Variants in POTEJ observed in about 807,000 individuals in gnomAD.
The protein encoded by POTEJ is POTE ankyrin domain family member J.
A neutral mutation model predicts 69.0 loss-of-function variants in POTEJ; 11 were observed. That is an observed-to-expected ratio of 0.16 (90% confidence interval 0.10 to 0.26). POTEJ has a LOEUF of 0.26. POTEJ is among the 10% of genes least tolerant of loss of function. The pLI, the probability that POTEJ is intolerant of heterozygous loss-of-function variation, is 1.00. For missense variants in POTEJ, 327 were observed against 1,045.5 expected (o/e 0.31, Z 9.48); for synonymous variants, 117 against 381.1 (o/e 0.31, Z 8.07).
At chr2:130,622,783 CAG>C (rs1359877463) in intron 5 of POTEJ, 1 of 151,774 alleles carries the variant, frequency 6.6e-6, no homozygotes, top group African/African-American at 2.4e-5. Flanking sequence ...TTGGACTTAA[CAG>C]AGCCAAGCCT....
intron 14 of POTEJ, among the ~76,000 whole-genome samples, chr2:130,656,046 T>C (rs1453739673): frequency 6.9e-6 from 1 of 144,624 alleles, no homozygotes; most frequent in South Asian, 2.2e-4. Context: ...ATCGGTAAAA[T>C]GTTCTTCAGT....
chr2:130,638,025 A>G (rs1163784569), intron 9 of POTEJ, among the ~76,000 whole-genome samples: 2 of 148,076 alleles, frequency 1.4e-5, no homozygotes, highest in Non-Finnish European at 3.0e-5. Flanking sequence ...AAAGAGTAGG[A>G]CAGCTAAGAA....
chr2:130,633,691 A>C (rs1464346494), intron 9 of POTEJ, among the ~76,000 whole-genome samples: 1 of 144,164 alleles, frequency 6.9e-6, no homozygotes, highest in Non-Finnish European at 1.5e-5. Context: ...CTAGTTATTA[A>C]ATTTTTATTG....
At chr2:130,654,624 T>C (rs1686919318) in intron 13 of POTEJ, among the ~76,000 whole-genome samples, 1 of 147,478 alleles carries the variant, frequency 6.8e-6, no homozygotes, top group Admixed American at 6.8e-5. Flanking sequence ...TGAGATATAA[T>C]TATTTCATTA....
intron 8 of POTEJ, 46 bp from the exon 9 acceptor site, chr2:130,632,444 C>CT (rs1310124874): frequency 3.6e-6 from 2 of 558,160 alleles, no homozygotes; most frequent in East Asian, 5.8e-5. Context: ...TAAAAAGGTT[C>CT]TTTTTATTCA....
intron 9 of POTEJ, among the ~76,000 whole-genome samples, chr2:130,634,938 T>C (rs1303394111): frequency 1.3e-5 from 2 of 152,222 alleles, no homozygotes; most frequent in Non-Finnish European, 2.9e-5. Flanking sequence ...TTATGCATTT[T>C]TTCTTACACC....
rs559711823 is a variant in POTEJ at position 130,626,708 on chromosome 2, G to A, written c.1015+2574G>A. 6.0e-4 allele frequency among the ~76,000 whole-genome samples: 91 copies of A among 152,276 alleles called. 1 individual carries two copies. Among genetic ancestry groups the A allele is most frequent in the African/African-American group, 2.2e-3 (90 of 41,472 alleles). ...ACAAAGGAAGTTTTTGCAGTAGTCA[G>A]CTATAGTTTCCTTGTCATACATCCT... On this transcript the variant is annotated intron_variant, in intron 6 of 14. Coordinates refer to ENST00000409602, the MANE Select transcript of POTEJ (RefSeq NM_001277083.2).
intron 6 of POTEJ, among the ~76,000 whole-genome samples, chr2:130,625,977 G>T (rs548808725): frequency 7.2e-6 from 1 of 138,160 alleles, no homozygotes; most frequent in African/African-American, 3.0e-5. Context: ...CCCTCTTTCA[G>T]CTGTGCTGTT....
intron 1 of POTEJ, among the ~76,000 whole-genome samples, chr2:130,613,261 T>TATACATATATATACATATGTATAC (rs1685284983): frequency 5.4e-5 from 3 of 55,490 alleles, no homozygotes; most frequent in Non-Finnish European, 9.2e-5. Flanking sequence ...TATACACATA[T>TATACATATATATACATATGTATAC]ATACATATAT....
At chr2:130,637,575 A>T (rs1359772192) in intron 9 of POTEJ, among the ~76,000 whole-genome samples, 1 of 152,180 alleles carries the variant, frequency 6.6e-6, no homozygotes, top group Admixed American at 6.5e-5. Context: ...TGCCACAAAA[A>T]CATTGAAATT....
At chr2:130,643,201 T>C (rs1326541884) in intron 10 of POTEJ, among the ~76,000 whole-genome samples, 1 of 145,702 alleles carries the variant, frequency 6.9e-6, no homozygotes, top group Non-Finnish European at 1.5e-5. Flanking sequence ...GGGAAAGACA[T>C]GCAGAATGAA....
chr2:130,647,048 A>G (rs1382874955), intron 13 of POTEJ, among the ~76,000 whole-genome samples: 1 of 150,448 alleles, frequency 6.6e-6, no homozygotes, highest in Non-Finnish European at 1.5e-5. Flanking sequence ...TTATAGTATT[A>G]TTATGTAAAA....
At chr2:130,626,123 C>T (rs1685694526) in intron 6 of POTEJ, among the ~76,000 whole-genome samples, 1 of 150,136 alleles carries the variant, frequency 6.7e-6, no homozygotes. Flanking sequence ...AACTTAGAAG[C>T]ATGCAAGGGG....
Position 130,636,600 on chromosome 2 carries a change from C to G in POTEJ, c.1299-2019C>G, listed in dbSNP as rs559711885. ...CTTTAGTTTTTCTCCTCTAACATAC[C>G]GTATATTTTGCCTTATCTGTCTGTT... On this transcript the variant is annotated intron_variant, in intron 9 of 14. Transcript: ENST00000409602. 3.0e-3 allele frequency among the ~76,000 whole-genome samples: 440 copies of G among 148,024 alleles called. 6 individuals carry two copies. Among genetic ancestry groups the G allele is most frequent in the Admixed American group, 0.027 (398 of 14,670 alleles).
Position 130,636,412 on chromosome 2 carries a change from A to T in POTEJ, c.1299-2207A>T, listed in dbSNP as rs1686093494. Among the ~76,000 whole-genome samples, 5 of 146,072 alleles carry T rather than the reference A, an allele frequency of 3.4e-5. No individual in the cohort carries two copies. The South Asian group carries it at 1.1e-3, about 31-fold the overall frequency. On this transcript the variant is annotated intron_variant, in intron 9 of 14. Transcript: ENST00000409602. ...TCAAACCTATTTGTATCTTGACATC[A>T]ACGCTGTTAACCTTATGTCATCGTT...
chr2:130,646,451 A>G, intron 13 of POTEJ, 141 bp downstream of exon 13: 1 of 853,618 alleles, frequency 1.2e-6, no homozygotes, highest in Non-Finnish European at 1.7e-6. Flanking sequence ...AATGAAAATC[A>G]GCAAACAATC....
chr2:130,626,801 C>T lies in POTEJ; in HGVS notation c.1015+2667C>T, dbSNP rs1685726013. Among the ~76,000 whole-genome samples the T allele has an allele frequency of 2.6e-5, 4 of 152,284 alleles. No homozygotes were observed. The South Asian group carries it at 8.3e-4, about 32-fold the overall frequency. On this transcript the variant is annotated intron_variant, in intron 6 of 14. Transcript: ENST00000409602. ...GTGAAATACATAAAGTTAGGAATCTCAACTACTTGTTTTAATATGTTGGCC... is the reference window on the plus strand; with the variant it reads ...GTGAAATACATAAAGTTAGGAATCTTAACTACTTGTTTTAATATGTTGGCC...
At chr2:130,639,245 C>G (rs868298612) in intron 10 of POTEJ, among the ~76,000 whole-genome samples, 1 of 151,580 alleles carries the variant, frequency 6.6e-6, no homozygotes, top group African/African-American at 2.5e-5. Flanking sequence ...TTGTGGAGCC[C>G]TGCTCTGGGA....
At chr2:130,627,065 G>C (rs543685932) in intron 6 of POTEJ, among the ~76,000 whole-genome samples, 1 of 152,126 alleles carries the variant, frequency 6.6e-6, no homozygotes, top group Non-Finnish European at 1.5e-5. Flanking sequence ...TAATTTCCAG[G>C]TTTCCAGGTT....
Sources: gnomAD v4.1 joint callset for allele counts (sites outside exome capture counted in the v4.1 genomes callset) on GRCh38, gnomAD v4.1.1 for gene constraint, MANE v1.5 for transcripts, NCBI Gene and HGNC (gene_info 2026-07-23, HGNC 2026-07-21) for gene names.